The following PPARD variants were observed in gnomAD, a reference collection of about 807,000 sequenced individuals.
PPARD encodes the protein peroxisome proliferator activated receptor delta.
PPARD carries 6 observed loss-of-function variants against 39.5 expected under a neutral mutation model. The ratio of observed to expected loss-of-function variants is 0.15; its 90% CI spans 0.08 to 0.30. The LOEUF (loss-of-function observed/expected upper bound fraction) is 0.30, where lower values mean the gene tolerates loss of function less well. Ranked by LOEUF, PPARD falls within the 10% of genes least tolerant of loss-of-function variation. The pLI is 1.00. For synonymous variants in PPARD, 210 were observed against 231.3 expected, an observed-to-expected ratio of 0.91 and a Z score of 0.83; for missense variants, 397 against 596.8, an observed-to-expected ratio of 0.67 and a Z score of 3.49.
At chr6:35,414,601 C>T (rs971705620) in intron 3 of PPARD, among the ~76,000 whole-genome samples, 1 of 152,150 alleles carries the variant, frequency 6.6e-6, no homozygotes, top group Non-Finnish European at 1.5e-5. Context: ...CATCACTTCT[C>T]CAAGTCTCAT....
intron 2 of PPARD, among the ~76,000 whole-genome samples, chr6:35,385,141 A>G (rs1287329978): frequency 2.0e-4 from 29 of 145,716 alleles, no homozygotes; most frequent in African/African-American, 6.4e-4. Flanking sequence ...GGTGTGCCCA[A>G]CAGCTCATTG....
At chr6:35,387,481 A>T (rs748898299) in intron 2 of PPARD, among the ~76,000 whole-genome samples, 2 of 152,088 alleles carry the variant, frequency 1.3e-5, no homozygotes, top group Non-Finnish European at 2.9e-5. Context: ...GACTGGACTC[A>T]GGATCTCCCA....
chr6:35,360,770 C>T (rs1330235362), intron 2 of PPARD, among the ~76,000 whole-genome samples: 1 of 152,218 alleles, frequency 6.6e-6, no homozygotes, highest in Non-Finnish European at 1.5e-5. Flanking sequence ...TCTTTTCTTG[C>T]ACCTTGCCAT....
intron 5 of PPARD, 109 bp from the exon 6 acceptor site, chr6:35,423,837 G>A: frequency 1.0e-6 from 1 of 1,001,758 alleles, no homozygotes; most frequent in Admixed American, 2.5e-5. Flanking sequence ...AGCTTCTGGG[G>A]GCCTTAGGCT....
chr6:35,418,952 G>A (rs779656876), intron 3 of PPARD, among the ~76,000 whole-genome samples: 1 of 152,222 alleles, frequency 6.6e-6, no homozygotes, highest in African/African-American at 2.4e-5. Flanking sequence ...GGGAGACCAT[G>A]TGGGAAGGAT....
intron 2 of PPARD, among the ~76,000 whole-genome samples, chr6:35,391,688 C>A (rs1452387360): frequency 1.1e-4 from 17 of 152,184 alleles, no homozygotes; most frequent in Non-Finnish European, 1.5e-4. Flanking sequence ...TAAGAAACAT[C>A]CTAGTATAGT....
chr6:35,354,595 C>T lies in PPARD; in HGVS notation c.-102+7445C>T, dbSNP rs1045073015. Among the ~76,000 whole-genome samples the T allele has an allele frequency of 4.7e-4, 72 of 151,988 alleles. 1 individual carries two copies. The highest frequency in any genetic ancestry group is 1.6e-3 in the African/African-American group (67 of 41,378). ...ATTACAGGCATGAGCCACCGTGCCC[C>T]GGTTCTCATACGACCATTCTGTTTT... is the stretch of plus-strand genomic sequence containing the variant. On this transcript the variant is annotated intron_variant, in intron 2 of 7. Transcript: ENST00000360694.
chr6:35,388,973 G>A (rs1763842478), intron 2 of PPARD, among the ~76,000 whole-genome samples: 1 of 152,160 alleles, frequency 6.6e-6, no homozygotes, highest in African/African-American at 2.4e-5. Flanking sequence ...GGAGAAACTG[G>A]ACGCACAACA....
intron 2 of PPARD, among the ~76,000 whole-genome samples, chr6:35,374,943 C>G (rs947524809): frequency 3.3e-5 from 5 of 152,112 alleles, no homozygotes; most frequent in African/African-American, 1.2e-4. Context: ...TGTCCTTCCT[C>G]CCTAATGTCA....
At chr6:35,347,037 A>T in intron 1 of PPARD, 30 bp from the exon 2 acceptor site, 2 of 1,430,690 alleles carry the variant, frequency 1.4e-6, no homozygotes, top group Non-Finnish European at 1.9e-6. Flanking sequence ...CCTGTCAGCT[A>T]AAGCTGTTGG....
chr6:35,414,909 C>T (rs1351495153), intron 3 of PPARD, among the ~76,000 whole-genome samples: 4 of 152,224 alleles, frequency 2.6e-5, no homozygotes, highest in South Asian at 2.1e-4. Flanking sequence ...TCTCACCCTC[C>T]CCCCAGCCAG....
Position 35,363,337 on chromosome 6 carries a change from A to T in PPARD, c.-102+16187A>T, listed in dbSNP as rs1376064111. On this transcript the variant is annotated intron_variant, in intron 2 of 7. Coordinates refer to ENST00000360694, the MANE Select transcript of PPARD (RefSeq NM_006238.5). This position sits in a 1 kb window ranked among gnomAD's most constrained non-coding sequence, Gnocchi z 4.5. The stretch of plus-strand genomic sequence containing the variant: ...GCGTTCCTGTGGGCCTGCCTGGATC[A>T]TATCTGTTCTGCTGTGATCCCAGGC... Among the ~76,000 whole-genome samples, 1 of 152,140 alleles carries T rather than the reference A, an allele frequency of 6.6e-6. No homozygotes were observed. The highest frequency in any genetic ancestry group is 2.1e-4 in the South Asian group (1 of 4,836).
chr6:35,408,998 G>C (rs77934702), intron 2 of PPARD, among the ~76,000 whole-genome samples: 5,320 of 152,158 alleles, frequency 0.035, 191 homozygotes, highest in African/African-American at 0.092. Flanking sequence ...TTGTGTCTCT[G>C]TGGTCTGCTC....
At chr6:35,418,842 A>C (rs952542234) in intron 3 of PPARD, among the ~76,000 whole-genome samples, 1 of 152,176 alleles carries the variant, frequency 6.6e-6, no homozygotes, top group Non-Finnish European at 1.5e-5. Flanking sequence ...CCTCTCTGCC[A>C]CAGTTGGGTG....
chr6:35,424,179 A>G lies in PPARD; in HGVS notation c.627+31A>G. ...TGTTGCTGCTGCTTGGCCTGGCAGC[A>G]TCCTGGGCTCTGGGTCCCACTGCCG... On this transcript the variant is annotated intron_variant, in intron 6 of 7. Coordinates refer to ENST00000360694, the MANE Select transcript of PPARD (RefSeq NM_006238.5). The surrounding 1 kb of genome is among the most constrained non-coding windows in gnomAD (Gnocchi z 7.1). The G allele has an allele frequency of 6.2e-7, 1 of 1,609,576 alleles. No individual in the cohort carries two copies. The highest frequency in any genetic ancestry group is 8.5e-7 in the Non-Finnish European group (1 of 1,178,962).
At chr6:35,354,231 C>CAAAA (rs1347497564) in intron 2 of PPARD, among the ~76,000 whole-genome samples, 2 of 31,594 alleles carry the variant, frequency 6.3e-5, no homozygotes, top group African/African-American at 2.5e-4. Flanking sequence ...GACTCCGTCT[C>CAAAA]AAAAAAAAAA....
At chr6:35,420,865 C>T (rs1316118828) in intron 4 of PPARD, among the ~76,000 whole-genome samples, 3 of 111,502 alleles carry the variant, frequency 2.7e-5, no homozygotes, top group African/African-American at 9.9e-5. Context: ...CTCGATCTGT[C>T]GCCCAGGCTG....
intron 2 of PPARD, among the ~76,000 whole-genome samples, chr6:35,380,094 A>G (rs1763049191): frequency 6.6e-6 from 1 of 152,214 alleles, no homozygotes; most frequent in Admixed American, 6.5e-5. Flanking sequence ...CTTGGAATCT[A>G]TTACTGAAGA....
At position 35,424,210 on chromosome 6, in the gene PPARD, C is replaced by T. The variant is rs1462747179; in HGVS notation, c.627+62C>T. The T allele has an allele frequency of 1.2e-6, 2 of 1,600,230 alleles. No homozygotes were observed. The highest frequency in any genetic ancestry group is 1.7e-6 in the Non-Finnish European group (2 of 1,173,038). ...GGCTCTGGGTCCCACTGCCGCCTGC[C>T]TGACTCCGGGAGAGCCAGGCCTTCT... is the stretch of plus-strand genomic sequence containing the variant. On this transcript the variant is annotated intron_variant, in intron 6 of 7. Coordinates refer to ENST00000360694, the MANE Select transcript of PPARD (RefSeq NM_006238.5). The surrounding 1 kb of genome is among the most constrained non-coding windows in gnomAD (Gnocchi z 7.1).
Sources: allele counts gnomAD v4.1 joint callset (sites outside exome capture counted in the v4.1 genomes callset), GRCh38; gene constraint gnomAD v4.1.1; non-coding constraint Gnocchi (gnomAD v3.1); transcripts MANE v1.5; gene names NCBI Gene and HGNC (gene_info 2026-07-23, HGNC 2026-07-21).